PCDHGB2: variants seen among roughly 807,000 people sequenced by gnomAD.
PCDHGB2 encodes the protein protocadherin gamma-B2.
Under a neutral mutation model 59.3 loss-of-function variants are expected in PCDHGB2, and 55 were observed. That is an observed-to-expected ratio of 0.93 (90% CI 0.75 to 1.16). The LOEUF (loss-of-function observed/expected upper bound fraction) is 1.16. Among genes scored for constraint, PCDHGB2 ranks in the 50% most tolerant of loss-of-function variants. The probability of loss-of-function intolerance (pLI) is 0.00; values close to 1 mark genes in which losing one functional copy is unlikely to be tolerated. For missense variants in PCDHGB2, 1,228 were observed against 1,198.5 expected (o/e 1.02, Z -0.36); for synonymous variants, 516 against 512.0 (o/e 1.01, Z -0.11).
Position 141,360,789 on chromosome 5 carries a change from A to T in PCDHGB2, c.654A>T (p.Gly218=), listed in dbSNP as rs780273649. 9.3e-6 allele frequency: 15 copies of T among 1,613,940 alleles called. No homozygotes were observed. The highest frequency in any genetic ancestry group is 1.2e-5 in the Non-Finnish European group (14 of 1,179,900). ...HQLVLTAVDG[G]DPPQSGTTQI... ...TGGTCCTCACAGCTGTGGATGGCGGAGACCCACCTCAAAGTGGCACGACCC... is the reference window on the plus strand; with the variant it reads ...TGGTCCTCACAGCTGTGGATGGCGGTGACCCACCTCAAAGTGGCACGACCC... The change falls in exon 1 of 4, where the codon GGA becomes GGT. Residue 218 remains glycine, a synonymous_variant. Coordinates refer to ENST00000522605, the MANE Select transcript of PCDHGB2 (RefSeq NM_018923.3).
intron 1 of PCDHGB2, chr5:141,372,404 G>A (rs761162819): frequency 2.6e-5 from 42 of 1,613,928 alleles, no homozygotes; most frequent in Non-Finnish European, 2.8e-5. Context: ...GCTTGCAAGA[G>A]ATACAACCTG....
At position 141,432,781 on chromosome 5, in the gene PCDHGB2, C is replaced by T. The variant is rs761954375; in HGVS notation, c.2422-62026C>T. On this transcript the variant is annotated intron_variant, in intron 1 of 3. Coordinates refer to ENST00000522605, the MANE Select transcript of PCDHGB2 (RefSeq NM_018923.3). This position sits in a 1 kb window ranked among gnomAD's most constrained non-coding sequence, Gnocchi z 6.0. ...ACAGCATCCCCCAAGTCCTGGCGGA[C>T]CTCGGCAGCCTCGAGTCTCCAGCTA... The T allele has an allele frequency of 3.1e-6, 5 of 1,614,064 alleles. No homozygotes were observed. The Admixed American group carries it at 8.3e-5, about 27-fold the overall frequency.
intron 1 of PCDHGB2, among the ~76,000 whole-genome samples, chr5:141,480,259 G>A (rs1285833242): frequency 2.0e-5 from 3 of 151,174 alleles, no homozygotes; most frequent in African/African-American, 7.3e-5. Flanking sequence ...AAAAAAATGT[G>A]TTTTCATTAG....
intron 1 of PCDHGB2, among the ~76,000 whole-genome samples, chr5:141,462,877 T>G (rs1387501705): frequency 1.3e-5 from 2 of 152,240 alleles, no homozygotes; most frequent in African/African-American, 4.8e-5. Flanking sequence ...CTTTAAGAAC[T>G]ATTGCAGTTT....
chr5:141,399,494 G>A, intron 1 of PCDHGB2: 1 of 1,614,032 alleles, frequency 6.2e-7, no homozygotes, highest in Non-Finnish European at 8.5e-7. Flanking sequence ...TACTTAGTCA[G>A]TGTACCCGAA....
Position 141,371,209 on chromosome 5 carries a change from G to A in PCDHGB2, c.2421+8653G>A, listed in dbSNP as rs143352621. 154 of 1,614,006 alleles carry A rather than the reference G, an allele frequency of 9.5e-5. No individual in the cohort carries two copies. The African/African-American group carries it at 1.8e-3, about 19-fold the overall frequency. ...GTGATGGCCATTGACATGGATGAGG[G>A]CATCAATGCCGAAATCATCTATGCC... On this transcript the variant is annotated intron_variant, in intron 1 of 3. Transcript: ENST00000522605.
chr5:141,414,868 G>A (rs1346192710), intron 1 of PCDHGB2: 1 of 1,614,098 alleles, frequency 6.2e-7, no homozygotes, highest in African/African-American at 1.3e-5. Flanking sequence ...CAATGCGCCC[G>A]AGATCCTGTA....
chr5:141,404,250 C>A lies in PCDHGB2; in HGVS notation c.2421+41694C>A, dbSNP rs1282621596. 2.5e-6 allele frequency: 4 copies of A among 1,613,886 alleles called. No homozygotes were observed. In the Admixed American group the frequency reaches 5.0e-5, roughly 20 times the overall value. On this transcript the variant is annotated intron_variant, in intron 1 of 3. Coordinates refer to ENST00000522605, the MANE Select transcript of PCDHGB2 (RefSeq NM_018923.3). Reference sequence around the variant, plus strand: ...ACAGACAGAGGAACTCCGCCCCTGTCCACAGAAATTCACATCACCCTGCAA... The same window carrying A: ...ACAGACAGAGGAACTCCGCCCCTGTACACAGAAATTCACATCACCCTGCAA...
intron 1 of PCDHGB2, among the ~76,000 whole-genome samples, chr5:141,454,980 T>A (rs1049733405): frequency 9.3e-5 from 14 of 151,310 alleles, no homozygotes; most frequent in African/African-American, 2.4e-4. Context: ...GCTAATTTTT[T>A]AAAAAATATT....
intron 1 of PCDHGB2, chr5:141,408,119 C>T (rs1271219465): frequency 6.8e-7 from 1 of 1,474,944 alleles, no homozygotes; most frequent in African/African-American, 1.4e-5. Flanking sequence ...CTCCTCCTGT[C>T]CTGGGCCGAA....
At chr5:141,390,414 G>A in intron 1 of PCDHGB2, 1 of 1,159,988 alleles carries the variant, frequency 8.6e-7, no homozygotes, top group Non-Finnish European at 1.2e-6. Context: ...GTTGTAGTCA[G>A]TTAAAAAGCT....
chr5:141,463,086 GC>G (rs1171354311), intron 1 of PCDHGB2, among the ~76,000 whole-genome samples: 1 of 152,098 alleles, frequency 6.6e-6, no homozygotes, highest in African/African-American at 2.4e-5. Context: ...ACATTTTCCA[GC>G]CCTATGTGAC....
chr5:141,445,075 A>G (rs1251499929), intron 1 of PCDHGB2, among the ~76,000 whole-genome samples: 1 of 152,170 alleles, frequency 6.6e-6, no homozygotes, highest in East Asian at 1.9e-4. Context: ...TTCTCATTAA[A>G]TTGTCCCTAC....
At chr5:141,414,118 G>C (rs559064215) in intron 1 of PCDHGB2, 1 of 1,592,490 alleles carries the variant, frequency 6.3e-7, no homozygotes, top group Admixed American at 1.8e-5. Flanking sequence ...AGATTATGAA[G>C]AAACCGGTTT....
At chr5:141,399,380 T>A (rs1361218028) in intron 1 of PCDHGB2, 5 of 1,613,820 alleles carry the variant, frequency 3.1e-6, no homozygotes, top group Non-Finnish European at 4.2e-6. Context: ...AATGTCACCA[T>A]CACAGCCACA....
At chr5:141,427,100 T>G (rs1270371842) in intron 1 of PCDHGB2, 1 of 458,010 alleles carries the variant, frequency 2.2e-6, no homozygotes, top group Non-Finnish European at 4.4e-6. Flanking sequence ...AGGGTGTCAA[T>G]GCGGAGATCA....
rs1257565821 is a variant in PCDHGB2, at chr5:141,487,319, C to G, written c.2422-7488C>G. ...ATTCGTGGCACTACTCTCTAAGTGTCTTCGTGGGGCAGCCTGTGGAGTCAC... is the reference window on the plus strand; with the variant it reads ...ATTCGTGGCACTACTCTCTAAGTGTGTTCGTGGGGCAGCCTGTGGAGTCAC... On this transcript the variant is annotated intron_variant, in intron 1 of 3. Transcript: ENST00000522605. The surrounding 1 kb of genome is among the most constrained non-coding windows in gnomAD (Gnocchi z 5.0). The G allele has an allele frequency of 6.2e-7, 1 of 1,614,052 alleles. No homozygotes were observed. The highest frequency in any genetic ancestry group is 1.3e-5 in the African/African-American group (1 of 74,930).
Position 141,361,431 on chromosome 5 carries a change from C to A in PCDHGB2, c.1296C>A (p.Leu432=). ...ITATDGGKPP[L]SSSIIVTLHI... The stretch of plus-strand genomic sequence containing the variant: ...CCACCGACGGGGGCAAGCCGCCCCT[C>A]TCCTCCAGCATAATTGTCACCCTGC... The change falls in exon 1 of 4, where the codon CTC becomes CTA. Residue 432 remains leucine, a synonymous_variant. Transcript: ENST00000522605. The A allele has an allele frequency of 4.3e-6, 7 of 1,614,054 alleles. No homozygotes were observed. The highest frequency in any genetic ancestry group is 5.9e-6 in the Non-Finnish European group (7 of 1,179,900).
At chr5:141,438,400 T>C (rs2154557880) in intron 1 of PCDHGB2, among the ~76,000 whole-genome samples, 1 of 151,918 alleles carries the variant, frequency 6.6e-6, no homozygotes, top group Non-Finnish European at 1.5e-5. Context: ...TCATTAACTC[T>C]CTGAAGTATT....
Sources: gnomAD v4.1 joint callset for allele counts (sites outside exome capture counted in the v4.1 genomes callset) on GRCh38, gnomAD v4.1.1 for gene constraint, Gnocchi (gnomAD v3.1) non-coding constraint, MANE v1.5 for transcripts, NCBI Gene and HGNC (gene_info 2026-07-23, HGNC 2026-07-21) for gene names.